MSI2: variants seen among roughly 807,000 people sequenced by gnomAD.
The protein encoded by MSI2 is RNA-binding protein Musashi homolog 2.
In MSI2, 17 loss-of-function variants were observed where a neutral mutation model predicts 45.6. The observed-to-expected ratio is 0.37, with a 90% CI of 0.26 to 0.56. The LOEUF is 0.56. Among genes scored for constraint, MSI2 ranks in the 20% least tolerant of loss-of-function variants. The pLI is 0.77. For missense variants in MSI2, 293 were observed against 444.2 expected (o/e 0.66, Z 3.06); for synonymous variants, 156 against 158.2 (o/e 0.99, Z 0.11).
At chr17:57,629,135 T>A (rs953784830) in intron 10 of MSI2, 1 of 152,222 alleles carries the variant, frequency 6.6e-6, no homozygotes, top group African/African-American at 2.4e-5. Flanking sequence ...AACTTAGGTT[T>A]AAATTAAAGT....
intron 5 of MSI2, among the ~76,000 whole-genome samples, chr17:57,355,779 C>A (rs1340541832): frequency 6.6e-6 from 1 of 152,200 alleles, no homozygotes; most frequent in Non-Finnish European, 1.5e-5. Flanking sequence ...CTGGATGTGC[C>A]ATTTAACCTT....
Position 57,379,803 on chromosome 17 carries a change from T to TTC in MSI2, c.313-21576_313-21575insTC, listed in dbSNP as rs2083567932. On this transcript the variant is annotated intron_variant, in intron 5 of 13. Transcript: ENST00000284073. Reference sequence around the variant, plus strand: ...ACCCGGTCAGCTCTTGATTGTTTAATAGGAAGAGGCAGGCAGTGCTCTTCC... The same window carrying TTC: ...ACCCGGTCAGCTCTTGATTGTTTAATTCAGGAAGAGGCAGGCAGTGCTCTTCC... Among the ~76,000 whole-genome samples the TTC allele has an allele frequency of 2.0e-5, 3 of 152,206 alleles. No homozygotes were observed. In the South Asian group the frequency reaches 6.2e-4, roughly 32 times the overall value.
intron 7 of MSI2, among the ~76,000 whole-genome samples, chr17:57,535,086 A>G (rs17761855): frequency 0.12 from 18,783 of 152,258 alleles, 1,276 homozygotes; most frequent in Non-Finnish European, 0.16. Context: ...GCCGGGGAGT[A>G]GACAGCCAGC....
chr17:57,417,780 A>G (rs1360583335), intron 6 of MSI2, among the ~76,000 whole-genome samples: 1 of 152,246 alleles, frequency 6.6e-6, no homozygotes, highest in African/African-American at 2.4e-5. Context: ...CACCTGGGAC[A>G]GAATGACAGC....
chr17:57,620,991 G>C (rs1908237163), intron 9 of MSI2, among the ~76,000 whole-genome samples: 1 of 152,222 alleles, frequency 6.6e-6, no homozygotes. Context: ...TTTGCCCATT[G>C]GCCCAGCTTG....
chr17:57,325,050 T>G (rs1270712785), intron 5 of MSI2, among the ~76,000 whole-genome samples: 1 of 152,188 alleles, frequency 6.6e-6, no homozygotes, highest in Non-Finnish European at 1.5e-5. Flanking sequence ...CAGTTCCCAG[T>G]TGCAAAGATA....
chr17:57,363,779 CAACAACAACAACA>C (rs1916998455), intron 5 of MSI2, among the ~76,000 whole-genome samples: 1 of 151,356 alleles, frequency 6.6e-6, no homozygotes, highest in Admixed American at 6.6e-5. Flanking sequence ...CAACAAACAA[CAACAACAACAACA>C]AACAACAACA....
At chr17:57,668,706 C>T (rs900638291) in intron 11 of MSI2, among the ~76,000 whole-genome samples, 2 of 152,128 alleles carry the variant, frequency 1.3e-5, no homozygotes, top group Admixed American at 1.3e-4. Context: ...CACCAGGCTG[C>T]GTTTGTACCT....
intron 6 of MSI2, among the ~76,000 whole-genome samples, chr17:57,487,873 G>A (rs1032624377): frequency 3.3e-5 from 5 of 151,604 alleles, no homozygotes; most frequent in South Asian, 2.1e-4. Flanking sequence ...ATTGGGTTGC[G>A]TCTCCCTCCC....
intron 10 of MSI2, among the ~76,000 whole-genome samples, chr17:57,636,442 AT>A (rs1405863552): frequency 6.6e-6 from 1 of 152,160 alleles, no homozygotes; most frequent in African/African-American, 2.4e-5. Flanking sequence ...GAGCCCTTCC[AT>A]CCACCCCCTC....
chr17:57,436,597 T>C (rs1436144460), intron 6 of MSI2, among the ~76,000 whole-genome samples: 1 of 152,146 alleles, frequency 6.6e-6, no homozygotes, highest in Non-Finnish European at 1.5e-5. Context: ...TTCAAGAGCC[T>C]GGGGCAGAGG....
At chr17:57,354,509 G>A (rs1410947670) in intron 5 of MSI2, among the ~76,000 whole-genome samples, 1 of 152,144 alleles carries the variant, frequency 6.6e-6, no homozygotes, top group Non-Finnish European at 1.5e-5. Flanking sequence ...TTCCAGGTGG[G>A]GGAGGGGTGT....
chr17:57,582,005 A>G lies in MSI2; in HGVS notation c.455-14863A>G, dbSNP rs144347343. Among the ~76,000 whole-genome samples, 36 of 152,272 alleles carry G rather than the reference A, an allele frequency of 2.4e-4. 1 individual carries two copies. Among genetic ancestry groups the G allele is most frequent in the Non-Finnish European group, 3.2e-4 (22 of 68,016 alleles). On this transcript the variant is annotated intron_variant, in intron 7 of 13. Transcript: ENST00000284073. ...TCAGTTTGAAGAGTGAACCTCCCCA[A>G]TGCCTCTCAGCACTGTGTGCTGCTC...
chr17:57,400,956 T>C (rs2083978230), intron 5 of MSI2, among the ~76,000 whole-genome samples: 1 of 152,204 alleles, frequency 6.6e-6, no homozygotes. Flanking sequence ...GTAGACAGCC[T>C]GTGCGTACTT....
chr17:57,436,730 C>T (rs1481289620), intron 6 of MSI2, among the ~76,000 whole-genome samples: 1 of 152,084 alleles, frequency 6.6e-6, no homozygotes, highest in Non-Finnish European at 1.5e-5. Flanking sequence ...GAAACCACTC[C>T]CTTGAATATG....
chr17:57,632,666 G>T, intron 10 of MSI2: 1 of 1,066,098 alleles, frequency 9.4e-7, no homozygotes, highest in Non-Finnish European at 1.1e-6. Flanking sequence ...CTTTTCCCAT[G>T]GCTTGACTTC....
downstream of MSI2, among the ~76,000 whole-genome samples, chr17:57,687,015 C>CCA (rs1555644139): frequency 1.4e-4 from 21 of 146,144 alleles, no homozygotes; most frequent in African/African-American, 4.9e-4. Flanking sequence ...GCCCCCCCCC[C>CCA]AAAAAATTTT....
At chr17:57,634,867 T>C (rs976900970) in intron 10 of MSI2, among the ~76,000 whole-genome samples, 2 of 152,192 alleles carry the variant, frequency 1.3e-5, no homozygotes, top group Non-Finnish European at 2.9e-5. Context: ...ACTCCAGCCA[T>C]CACATGTTCA....
intron 5 of MSI2, among the ~76,000 whole-genome samples, chr17:57,315,357 C>T (rs959632401): frequency 2.6e-5 from 4 of 151,232 alleles, no homozygotes; most frequent in Non-Finnish European, 5.9e-5. Flanking sequence ...TGTGTCCTGT[C>T]GACTCAAGGA....
Sources: allele counts gnomAD v4.1 joint callset (sites outside exome capture counted in the v4.1 genomes callset), GRCh38; gene constraint gnomAD v4.1.1; transcripts MANE v1.5; gene names NCBI Gene and HGNC (gene_info 2026-07-23, HGNC 2026-07-21).